Variants in ZNF483 observed in about 807,000 individuals in gnomAD.
The protein encoded by ZNF483 is zinc finger protein HIT-10.
ZNF483 carries 9 observed loss-of-function variants against 28.6 expected under a neutral mutation model. The observed-to-expected ratio is 0.32, with a 90% confidence interval of 0.19 to 0.55. ZNF483 has a LOEUF of 0.55. Ranked by LOEUF, ZNF483 falls within the 20% of genes least tolerant of loss-of-function variation. The pLI, the probability that ZNF483 is intolerant of heterozygous loss-of-function variation, is 0.93. For missense variants in ZNF483, 675 were observed against 871.7 expected (o/e 0.77, Z 2.84); for synonymous variants, 322 against 306.2 (o/e 1.05, Z -0.54).
intron 5 of ZNF483, among the ~76,000 whole-genome samples, chr9:111,561,104 T>G (rs563004960): frequency 0.016 from 414 of 26,360 alleles, 43 homozygotes; most frequent in East Asian, 0.023. Context: ...TATATATATA[T>G]ATATATAGAG....
chr9:111,576,132 T>C (rs1829043143), intron 5 of ZNF483, among the ~76,000 whole-genome samples: 1 of 151,208 alleles, frequency 6.6e-6, no homozygotes, highest in Non-Finnish European at 1.5e-5. Flanking sequence ...GCACTCCAGA[T>C]TGGGAGACAG....
chr9:111,534,886 G>A (rs1827447159), intron 5 of ZNF483, among the ~76,000 whole-genome samples: 1 of 151,892 alleles, frequency 6.6e-6, no homozygotes, highest in African/African-American at 2.4e-5. Flanking sequence ...ACCAAGCCTG[G>A]CTAATTTTTT....
At position 111,549,161 on chromosome 9, in the gene ZNF483, G is replaced by GT. The variant is rs576948545; in HGVS notation, c.*5992dup. ...GAGTCACTGGAGGTTCTCTGTGTGT[G>GT]TGAGTGTATAAATAAAGATTTAATT... On this transcript the variant is annotated 3_prime_UTR_variant, in exon 6 of 6. Transcript: ENST00000309235. Among the ~76,000 whole-genome samples, 4 of 152,164 alleles carry GT rather than the reference G, an allele frequency of 2.6e-5. No homozygotes were observed. In the South Asian group the frequency reaches 8.3e-4, roughly 32 times the overall value.
chr9:111,556,051 C>T (rs959325202), downstream of ZNF483, among the ~76,000 whole-genome samples: 2 of 152,224 alleles, frequency 1.3e-5, no homozygotes, highest in African/African-American at 2.4e-5. Context: ...TTAGTTACTT[C>T]CAAGATAGAA....
chr9:111,562,362 G>A (rs891508799), intron 5 of ZNF483, among the ~76,000 whole-genome samples: 10 of 148,684 alleles, frequency 6.7e-5, no homozygotes, highest in African/African-American at 2.2e-4. Context: ...TGAAACTTCC[G>A]CCTCCCAGGT....
At chr9:111,560,838 G>A (rs1476430129) in intron 5 of ZNF483, among the ~76,000 whole-genome samples, 2 of 148,680 alleles carry the variant, frequency 1.3e-5, no homozygotes, top group Non-Finnish European at 3.0e-5. Flanking sequence ...AGCTACTCAG[G>A]GGGCTGAGGC....
rs1240649497 is a variant in ZNF483 at position 111,561,106 on chromosome 9, T to TAGAG, written c.722-15258_722-15257insGAGA. On this transcript the variant is annotated intron_variant, in intron 5 of 5. Transcript: ENST00000358151. Reference sequence around the variant, plus strand: ...TAAAATATATATATATATATATATATATATAGAGAGAGAGAGAGAGAGAGA... The same window carrying TAGAG: ...TAAAATATATATATATATATATATATAGAGATATAGAGAGAGAGAGAGAGAGAGA... Among the ~76,000 whole-genome samples the TAGAG allele has an allele frequency of 5.1e-3, 117 of 23,160 alleles. 12 individuals are homozygous for TAGAG. Among genetic ancestry groups the TAGAG allele is most frequent in the East Asian group, 0.01 (15 of 1,476 alleles). 15.2% of individuals were successfully genotyped at this position (23,160 alleles called of 152,430 possible). A position where few individuals can be genotyped will look rare whatever the true frequency, so the allele number is the denominator to read the frequency against.
intron 2 of ZNF483, among the ~76,000 whole-genome samples, chr9:111,528,918 G>A (rs1254624330): frequency 6.6e-6 from 1 of 152,108 alleles, no homozygotes; most frequent in Non-Finnish European, 1.5e-5. Context: ...GGCCTAGGCG[G>A]GTGGATCACC....
At chr9:111,531,840 C>T (rs747839685) in intron 3 of ZNF483, among the ~76,000 whole-genome samples, 13 of 152,172 alleles carry the variant, frequency 8.5e-5, no homozygotes, top group Non-Finnish European at 1.8e-4. Flanking sequence ...CGCCACTGTG[C>T]CCAGCTCATT....
intron 3 of ZNF483, among the ~76,000 whole-genome samples, chr9:111,532,825 C>T (rs1417777233): frequency 6.6e-6 from 1 of 151,738 alleles, no homozygotes. Context: ...ATGAGAATCG[C>T]TTGAACCCAG....
Position 111,544,951 on chromosome 9 carries a change from C to A in ZNF483, c.*1781C>A, listed in dbSNP as rs549733140. ...GTGGGCACCTCCTATAAAAAGAGAG[C>A]TAAACCAGAAAACTCTTCACTTATG... On this transcript the variant is annotated 3_prime_UTR_variant, in exon 6 of 6. Transcript: ENST00000309235. Among the ~76,000 whole-genome samples the A allele has an allele frequency of 3.5e-4, 53 of 152,238 alleles. No homozygotes were observed. Among genetic ancestry groups the A allele is most frequent in the South Asian group, 1.5e-3 (7 of 4,814 alleles).
Position 111,549,680 on chromosome 9 carries a change from C to T in ZNF483, c.*6510C>T. The T allele has an allele frequency of 6.6e-7, 1 of 1,521,042 alleles. No homozygotes were observed. Among genetic ancestry groups the T allele is most frequent in the Non-Finnish European group, 8.9e-7 (1 of 1,128,584 alleles). 94.2% of individuals were successfully genotyped at this position (1,521,042 alleles called of 1,614,324 possible). ...GGCAGCAGGGTTCCCCATTGATTTT[C>T]TAAATGTTTGTAGTCCTTTTGTAAA... is the stretch of plus-strand genomic sequence containing the variant. On this transcript the variant is annotated 3_prime_UTR_variant, in exon 6 of 6. Coordinates refer to ENST00000309235, the MANE Select transcript of ZNF483 (RefSeq NM_133464.5).
At chr9:111,532,549 G>A (rs1827374897) in intron 3 of ZNF483, among the ~76,000 whole-genome samples, 1 of 152,100 alleles carries the variant, frequency 6.6e-6, no homozygotes, top group African/African-American at 2.4e-5. Context: ...ATCCCCCAGA[G>A]CCTCTGAAGG....
chr9:111,564,176 A>G, intron 5 of ZNF483: 1 of 1,002,448 alleles, frequency 1.0e-6, no homozygotes, highest in Non-Finnish European at 1.2e-6. Flanking sequence ...GTTTTTCGCT[A>G]ATGTATTCCA....
Position 111,554,046 on chromosome 9 carries a change from C to G in ZNF483, c.*10876C>G, listed in dbSNP as rs1026484562. 6.6e-6 allele frequency among the ~76,000 whole-genome samples: 1 copy of G among 152,228 alleles called. No individual in the cohort carries two copies. Among genetic ancestry groups the G allele is most frequent in the African/African-American group, 2.4e-5 (1 of 41,460 alleles). ...CTAGCCTAGAAACAGCTGAGAACCA[C>G]AGGTTTCAAACTCGGTGCCAAGGTT... On this transcript the variant is annotated 3_prime_UTR_variant, in exon 6 of 6. Transcript: ENST00000309235.
At chr9:111,536,300 A>G (rs1444513726) in intron 5 of ZNF483, among the ~76,000 whole-genome samples, 1 of 151,872 alleles carries the variant, frequency 6.6e-6, no homozygotes, top group Non-Finnish European at 1.5e-5. Context: ...CAGGCAGATC[A>G]TGAGGTCAGG....
At chr9:111,526,117 G>T (rs1352263580) in intron 1 of ZNF483, among the ~76,000 whole-genome samples, 2 of 152,202 alleles carry the variant, frequency 1.3e-5, no homozygotes, top group East Asian at 3.9e-4. Flanking sequence ...GTGCAAAGGA[G>T]TGCTTTGGGA....
chr9:111,531,672 G>A (rs565557120), intron 3 of ZNF483, among the ~76,000 whole-genome samples: 3 of 151,966 alleles, frequency 2.0e-5, no homozygotes, highest in Non-Finnish European at 4.4e-5. Flanking sequence ...CACTGCATCC[G>A]GCCTTGCTTT....
chr9:111,544,467 T>A lies in ZNF483; in HGVS notation c.*1297T>A. On this transcript the variant is annotated 3_prime_UTR_variant, in exon 6 of 6. Transcript: ENST00000309235. ...TATAAGGGCTAACAACACTGGGCTT[T>A]TATTTATGTAAAGCACTCAGCTGGT... 1 of 679,234 alleles carries A rather than the reference T, an allele frequency of 1.5e-6. No homozygotes were observed. The highest frequency in any genetic ancestry group is 1.8e-6 in the Non-Finnish European group (1 of 549,946). The allele number at this position is 679,234 out of a possible 1,614,324, so 42.1% of individuals were successfully genotyped here.
Sources: gnomAD v4.1 joint callset for allele counts (sites outside exome capture counted in the v4.1 genomes callset) on GRCh38, gnomAD v4.1.1 for gene constraint, MANE v1.5 for transcripts, NCBI Gene and HGNC (gene_info 2026-07-23, HGNC 2026-07-21) for gene names.